C10orf90: variants seen among roughly 807,000 people sequenced by gnomAD.
The protein encoded by C10orf90 is chromosome 10 open reading frame 90.
Under a neutral mutation model 62.5 loss-of-function variants are expected in C10orf90, and 56 were observed. The ratio of observed to expected loss-of-function variants is 0.90; its 90% CI spans 0.72 to 1.12. C10orf90 has a LOEUF of 1.12. Among genes scored for constraint, C10orf90 ranks in the 50% most tolerant of loss-of-function variants. The pLI is 0.00. For synonymous variants in C10orf90, 386 were observed against 340.4 expected (o/e 1.13, Z -1.47); for missense variants, 970 against 880.4 (o/e 1.10, Z -1.29).
chr10:126,601,302 G>C (rs1026498595), intron 2 of C10orf90, among the ~76,000 whole-genome samples: 1 of 152,130 alleles, frequency 6.6e-6, no homozygotes, highest in Non-Finnish European at 1.5e-5. Context: ...GTAATCAAAT[G>C]TATTTGAAAT....
chr10:126,511,242 C>T (rs1863089409), intron 3 of C10orf90, among the ~76,000 whole-genome samples: 1 of 152,174 alleles, frequency 6.6e-6, no homozygotes, highest in Non-Finnish European at 1.5e-5. Flanking sequence ...CTGAGCTTTT[C>T]TCACTCTCCA....
intron 2 of C10orf90, among the ~76,000 whole-genome samples, chr10:126,639,301 C>T (rs1435019563): frequency 2.0e-5 from 3 of 152,156 alleles, no homozygotes; most frequent in South Asian, 2.1e-4. Context: ...GTCTCCATGG[C>T]GCATGATGTG....
rs530513920 is a variant in C10orf90, at chr10:126,639,885, C to G, written c.313+6680G>C. ...GAGGGGGAAACAGTTGCTTATTGCACTATTTGTGGGTGATTGCAGCAAAAT... is the reference window on the plus strand; with the variant it reads ...GAGGGGGAAACAGTTGCTTATTGCAGTATTTGTGGGTGATTGCAGCAAAAT... On this transcript the variant is annotated intron_variant, in intron 2 of 9. Coordinates refer to ENST00000488181, the MANE Select transcript of C10orf90 (RefSeq NM_001350921.2). Among the ~76,000 whole-genome samples, 6 of 152,328 alleles carry G rather than the reference C, an allele frequency of 3.9e-5. No homozygotes were observed. The South Asian group carries it at 1.2e-3, about 32-fold the overall frequency.
chr10:126,486,180 TC>T (rs1184391005), intron 4 of C10orf90, among the ~76,000 whole-genome samples: 3 of 152,096 alleles, frequency 2.0e-5, no homozygotes, highest in Admixed American at 2.0e-4. Context: ...AGACTGGAAA[TC>T]CCTGCATAAA....
At chr10:126,526,018 G>T (rs1863930925) in intron 2 of C10orf90, among the ~76,000 whole-genome samples, 1 of 86,888 alleles carries the variant, frequency 1.2e-5, no homozygotes, top group African/African-American at 4.1e-5. Context: ...GTCCACACCT[G>T]CCACAACACA....
intron 2 of C10orf90, among the ~76,000 whole-genome samples, chr10:126,549,164 C>T (rs1000241673): frequency 1.3e-5 from 2 of 152,120 alleles, no homozygotes; most frequent in Non-Finnish European, 2.9e-5. Context: ...ACAAATTGTA[C>T]TTAATCAAAG....
rs3040780 is a variant in C10orf90 at position 126,526,023 on chromosome 10, A to AACACACACACAC, written c.314-12096_314-12085dup. 5.3e-3 allele frequency among the ~76,000 whole-genome samples: 730 copies of AACACACACACAC among 139,010 alleles called. 8 individuals are homozygous for AACACACACACAC. The highest frequency in any genetic ancestry group is 0.014 in the African/African-American group (522 of 37,126). 91.2% of individuals were successfully genotyped at this position (139,010 alleles called of 152,430 possible). A position where few individuals can be genotyped will look rare whatever the true frequency, so the allele number is the denominator to read the frequency against. ...TAAATAGCTTGTCCACACCTGCCAC[A>AACACACACACAC]ACACACACACACACACACACACACA... On this transcript the variant is annotated intron_variant, in intron 2 of 9. Transcript: ENST00000488181.
At chr10:126,473,029 A>G (rs1860664627) in intron 4 of C10orf90, among the ~76,000 whole-genome samples, 1 of 152,182 alleles carries the variant, frequency 6.6e-6, no homozygotes, top group Admixed American at 6.5e-5. Context: ...TTTATTGAGT[A>G]ACTACTATGT....
chr10:126,644,457 G>A (rs1846125508), intron 2 of C10orf90, among the ~76,000 whole-genome samples: 1 of 152,224 alleles, frequency 6.6e-6, no homozygotes, highest in Non-Finnish European at 1.5e-5. Context: ...AACCCATTTA[G>A]GTCTGACTCC....
At chr10:126,563,577 A>G (rs1396925705) in intron 2 of C10orf90, among the ~76,000 whole-genome samples, 1 of 152,106 alleles carries the variant, frequency 6.6e-6, no homozygotes, top group African/African-American at 2.4e-5. Context: ...AAATGTGTGG[A>G]CCACCTGGTG....
At chr10:126,592,239 A>G (rs1248475065) in intron 2 of C10orf90, among the ~76,000 whole-genome samples, 1 of 152,234 alleles carries the variant, frequency 6.6e-6, no homozygotes. Flanking sequence ...CAAATAGCCA[A>G]GACAATTCTA....
Position 126,550,113 on chromosome 10 carries a change from G to A in C10orf90, c.314-36174C>T, listed in dbSNP as rs111859226. Among the ~76,000 whole-genome samples, 79 of 152,064 alleles carry A rather than the reference G, an allele frequency of 5.2e-4. 1 individual carries two copies. The highest frequency in any genetic ancestry group is 3.4e-3 in the Middle Eastern group (1 of 294). The stretch of plus-strand genomic sequence containing the variant: ...TGGGATTACAGGCACCCGCCACCAC[G>A]CCTGGCTAATTTTTTGTATTTTTTA... On this transcript the variant is annotated intron_variant, in intron 2 of 9. Coordinates refer to ENST00000488181, the MANE Select transcript of C10orf90 (RefSeq NM_001350921.2).
chr10:126,607,347 T>C (rs1219120174), intron 2 of C10orf90, among the ~76,000 whole-genome samples: 1 of 152,230 alleles, frequency 6.6e-6, no homozygotes, highest in Non-Finnish European at 1.5e-5. Flanking sequence ...TGTTACTCAT[T>C]GTAGTTGCAA....
chr10:126,543,628 G>A (rs1462675651), intron 2 of C10orf90, among the ~76,000 whole-genome samples: 2 of 152,168 alleles, frequency 1.3e-5, no homozygotes, highest in South Asian at 4.1e-4. Context: ...ATGGCTCATG[G>A]TGGAGACAAA....
chr10:126,456,501 A>G lies in C10orf90; in HGVS notation c.2188+2539T>C, dbSNP rs55659548. The stretch of plus-strand genomic sequence containing the variant: ...TACAATTTTAAGACTTCCATTTAAA[A>G]GAATGTGAACTTGTAAGGATATTTG... On this transcript the variant is annotated intron_variant, in intron 7 of 9. Transcript: ENST00000488181. The surrounding 1 kb of genome is among the most constrained non-coding windows in gnomAD (Gnocchi z 4.9). Among the ~76,000 whole-genome samples, 29,752 of 152,204 alleles carry G rather than the reference A, an allele frequency of 0.2. 3,038 individuals carry two copies. Among genetic ancestry groups the G allele is most frequent in the African/African-American group, 0.23 (9,494 of 41,526 alleles).
intron 2 of C10orf90, among the ~76,000 whole-genome samples, chr10:126,567,038 G>A (rs1591106175): frequency 1.3e-5 from 2 of 152,198 alleles, no homozygotes; most frequent in African/African-American, 4.8e-5. Context: ...GCCATTGCCT[G>A]TGAACATGGA....
At chr10:126,430,015 T>C (rs528041556) in intron 7 of C10orf90, among the ~76,000 whole-genome samples, 165 bp from the exon 8 acceptor site, 2 of 152,362 alleles carry the variant, frequency 1.3e-5, no homozygotes, top group African/African-American at 2.4e-5. Context: ...AGTGGTTGTA[T>C]TGACAATGGC....
chr10:126,453,980 G>C lies in C10orf90; in HGVS notation c.2188+5060C>G, dbSNP rs113945432. Among the ~76,000 whole-genome samples, 2 of 152,124 alleles carry C rather than the reference G, an allele frequency of 1.3e-5. No homozygotes were observed. Among genetic ancestry groups the C allele is most frequent in the Non-Finnish European group, 2.9e-5 (2 of 68,004 alleles). Reference sequence around the variant, plus strand: ...GAGAGGCGTCTGGATTTTGGGGTGAGGGATGGAATCCAGGGAGGCTCTGAA... The same window carrying C: ...GAGAGGCGTCTGGATTTTGGGGTGACGGATGGAATCCAGGGAGGCTCTGAA... On this transcript the variant is annotated intron_variant, in intron 7 of 9. Transcript: ENST00000488181. This position sits in a 1 kb window ranked among gnomAD's most constrained non-coding sequence, Gnocchi z 4.9.
chr10:126,616,463 A>ACTGGAG (rs1233771820), intron 2 of C10orf90, among the ~76,000 whole-genome samples: 1 of 152,182 alleles, frequency 6.6e-6, no homozygotes. Flanking sequence ...GAGCATTGCT[A>ACTGGAG]CCAAATAGCT....
Sources: allele counts gnomAD v4.1 joint callset (sites outside exome capture counted in the v4.1 genomes callset), GRCh38; gene constraint gnomAD v4.1.1; non-coding constraint Gnocchi (gnomAD v3.1); transcripts MANE v1.5; gene names NCBI Gene and HGNC (gene_info 2026-07-23, HGNC 2026-07-21).